Variants in CENPQ observed in about 807,000 individuals in gnomAD.
CENPQ encodes centromere protein Q, also known as chromosome 6 open reading frame 139.
A neutral mutation model predicts 36.6 loss-of-function variants in CENPQ; 27 were observed. The ratio of observed to expected loss-of-function variants is 0.74; its 90% CI spans 0.54 to 1.02. CENPQ has a LOEUF of 1.02. Ranked by LOEUF, CENPQ falls within the 50% of genes least tolerant of loss-of-function variation. CENPQ has a pLI of 0.00. For synonymous variants in CENPQ, 101 were observed against 101.7 expected (o/e 0.99, Z 0.04); for missense variants, 306 against 301.8 (o/e 1.01, Z -0.10).
chr6:49,464,091 A>T (rs561342186), intron 1 of CENPQ, among the ~76,000 whole-genome samples: 1 of 152,182 alleles, frequency 6.6e-6, no homozygotes, highest in East Asian at 1.9e-4. Context: ...AAATATTTCA[A>T]AATGTTATTA....
chr6:49,475,397 T>C (rs1025114470), intron 5 of CENPQ, among the ~76,000 whole-genome samples: 1 of 152,158 alleles, frequency 6.6e-6, no homozygotes, highest in Non-Finnish European at 1.5e-5. Context: ...AAACTCTAAA[T>C]AAATTAGGTA....
intron 4 of CENPQ, among the ~76,000 whole-genome samples, chr6:49,472,397 T>G (rs534672645): frequency 1.3e-5 from 2 of 152,168 alleles, no homozygotes; most frequent in Non-Finnish European, 2.9e-5. Flanking sequence ...TAAAAGCAAG[T>G]GTTTGTGGCC....
chr6:49,467,755 A>C (rs1462836112), intron 1 of CENPQ, among the ~76,000 whole-genome samples: 2 of 152,192 alleles, frequency 1.3e-5, no homozygotes, highest in Non-Finnish European at 2.9e-5. Flanking sequence ...ATAAGTACCA[A>C]ATGAGACAGA....
chr6:49,489,759 A>T (rs1358696524), intron 8 of CENPQ, among the ~76,000 whole-genome samples: 1 of 152,200 alleles, frequency 6.6e-6, no homozygotes, highest in Non-Finnish European at 1.5e-5. Flanking sequence ...AAACAACATT[A>T]ATCTCCTTGT....
chr6:49,478,199 C>T (rs1280903373), intron 5 of CENPQ, among the ~76,000 whole-genome samples: 1 of 152,180 alleles, frequency 6.6e-6, no homozygotes, highest in Non-Finnish European at 1.5e-5. Context: ...ACTCTAAATA[C>T]ATTTTTCTGT....
intron 5 of CENPQ, among the ~76,000 whole-genome samples, chr6:49,474,170 A>G (rs142500829): frequency 6.6e-6 from 1 of 152,348 alleles, no homozygotes; most frequent in East Asian, 1.9e-4. Context: ...AAGCAGACCT[A>G]ATAGACATCT....
chr6:49,472,911 CT>C (rs1410875177), intron 5 of CENPQ, 53 bp downstream of exon 5: 1 of 1,185,848 alleles, frequency 8.4e-7, no homozygotes, highest in Non-Finnish European at 1.1e-6. Flanking sequence ...AAAAACCTGA[CT>C]TCTTTCTATG....
Position 49,472,097 on chromosome 6 carries a change from G to C in CENPQ, c.192G>C (p.Lys64Asn), listed in dbSNP as rs372812477. 56 of 1,612,474 alleles carry C rather than the reference G, an allele frequency of 3.5e-5. No individual in the cohort carries two copies. The African/African-American group carries it at 7.0e-4, about 20-fold the overall frequency. The change falls in exon 4 of 9, where the codon AAG becomes AAC. Residue 64 changes from lysine to asparagine, a missense_variant. Transcript: ENST00000335783. ...QTKHTNLKHGKTAASKRKTWQ... is the reference protein window; with the variant it reads ...QTKHTNLKHGNTAASKRKTWQ... ...AGCACACTAACCTAAAACACGGAAA[G>C]ACAGCAGCCAGCAAGAGAAAAACCT...
chr6:49,472,757 C>T (rs1375095335), intron 4 of CENPQ, 33 bp from the exon 5 acceptor site: 21 of 1,398,924 alleles, frequency 1.5e-5, no homozygotes, highest in Admixed American at 2.7e-5. Context: ...GTGCATCAGA[C>T]TACTATTTAT....
intron 5 of CENPQ, among the ~76,000 whole-genome samples, chr6:49,473,599 G>A (rs1581846507): frequency 1.3e-5 from 2 of 152,274 alleles, no homozygotes; most frequent in South Asian, 4.1e-4. Context: ...ATGCTAGGAA[G>A]AAACTGCATC....
rs1377307347 is a variant in CENPQ, at chr6:49,470,980, AAC to A, written c.113_114del (p.Thr38SerfsTer5). On this transcript the variant is annotated frameshift_variant, in exon 3 of 9. Coordinates refer to ENST00000335783, the MANE Select transcript of CENPQ (RefSeq NM_018132.4). LOFTEE classifies it high-confidence loss of function. ...EVVLSENKVR[N>X]TVKKNKNHLK... ...CATGTGTTTTTCCCTCTAGGTTAGA[AAC>A]ACAGTGAAAAAAAATAAAAATCATC... is the stretch of plus-strand genomic sequence containing the variant. 22 of 1,520,990 alleles carry A rather than the reference AAC, an allele frequency of 1.4e-5. No individual in the cohort carries two copies. Among genetic ancestry groups the A allele is most frequent in the Non-Finnish European group, 1.9e-5 (22 of 1,128,326 alleles). 94.2% of individuals were successfully genotyped at this position (1,520,990 alleles called of 1,614,324 possible).
chr6:49,474,091 C>T (rs1449731930), intron 5 of CENPQ, among the ~76,000 whole-genome samples: 1 of 152,126 alleles, frequency 6.6e-6, no homozygotes, highest in Admixed American at 6.5e-5. Context: ...ACCCCACTGT[C>T]AACACTAGAC....
chr6:49,470,622 C>CAAAAAAA (rs1199878940), intron 2 of CENPQ, among the ~76,000 whole-genome samples: 1 of 66,384 alleles, frequency 1.5e-5, no homozygotes, highest in East Asian at 5.0e-4. Flanking sequence ...GACTCCGTCT[C>CAAAAAAA]AAAAAAAAAA....
chr6:49,492,313 A>C lies in CENPQ; in HGVS notation c.*38A>C. ...TTTTAGATTGTTCCATATTAATTTAATGTTCGTGAATTTGTAAAACTGTTA... is the reference window on the plus strand; with the variant it reads ...TTTTAGATTGTTCCATATTAATTTACTGTTCGTGAATTTGTAAAACTGTTA... On this transcript the variant is annotated 3_prime_UTR_variant, in exon 9 of 9. Transcript: ENST00000335783. 1 of 1,521,452 alleles carries C rather than the reference A, an allele frequency of 6.6e-7. No homozygotes were observed. The highest frequency in any genetic ancestry group is 8.8e-7 in the Non-Finnish European group (1 of 1,130,294). The allele number at this position is 1,521,452 out of a possible 1,614,324, so 94.2% of individuals were successfully genotyped here.
chr6:49,471,034 T>G lies in CENPQ; in HGVS notation c.157+6T>G. Reference sequence around the variant, plus strand: ...GAAAGATCTGTCTTCTGAAGGTATTTCTTTTCTATTACCTTGTTTAACCTG... The same window carrying G: ...GAAAGATCTGTCTTCTGAAGGTATTGCTTTTCTATTACCTTGTTTAACCTG... On this transcript the variant is annotated splice_donor_region_variant and intron_variant, in intron 3 of 8. Transcript: ENST00000335783. The G allele has an allele frequency of 1.3e-6, 2 of 1,486,928 alleles. No homozygotes were observed. The highest frequency in any genetic ancestry group is 1.8e-6 in the Non-Finnish European group (2 of 1,100,770). 92.1% of individuals were successfully genotyped at this position (1,486,928 alleles called of 1,614,324 possible). A position where few individuals can be genotyped will look rare whatever the true frequency, so the allele number is the denominator to read the frequency against.
At chr6:49,477,531 A>G (rs1322446125) in intron 5 of CENPQ, among the ~76,000 whole-genome samples, 2 of 151,704 alleles carry the variant, frequency 1.3e-5, no homozygotes, top group Non-Finnish European at 2.9e-5. Flanking sequence ...AAACCTGCAC[A>G]GTTGTGCACA....
At chr6:49,483,256 C>T (rs184759196) in intron 6 of CENPQ, among the ~76,000 whole-genome samples, 30 of 152,224 alleles carry the variant, frequency 2.0e-4, no homozygotes, top group African/African-American at 6.5e-4. Flanking sequence ...GTTTACAAAC[C>T]TTGAGCTAGA....
rs1768152075 is a variant in CENPQ at position 49,472,139 on chromosome 6, G to A, written c.234G>A (p.Lys78=). The change falls in exon 4 of 9, where the codon AAG becomes AAA. Residue 78 remains lysine (K), a synonymous_variant. Transcript: ENST00000335783. ...GAAAAACCTGGCAACCTCTGTCAAA[G>A]AGTACCAGAGACCATTTGCAAACTA... ...SKRKTWQPLS[K]STRDHLQTMM... is the part of the protein sequence containing the mutation. 6.2e-7 allele frequency: 1 copy of A among 1,612,550 alleles called. No individual in the cohort carries two copies. The highest frequency in any genetic ancestry group is 1.1e-5 in the South Asian group (1 of 90,878).
At chr6:49,487,534 G>A (rs536689157) in intron 6 of CENPQ, among the ~76,000 whole-genome samples, 12 of 146,130 alleles carry the variant, frequency 8.2e-5, no homozygotes, top group Admixed American at 4.9e-4. Flanking sequence ...TCTGCATCCA[G>A]TATTTGGAAA....
Sources: gnomAD v4.1 joint callset for allele counts (sites outside exome capture counted in the v4.1 genomes callset) on GRCh38, gnomAD v4.1.1 for gene constraint, MANE v1.5 for transcripts, NCBI Gene and HGNC (gene_info 2026-07-23, HGNC 2026-07-21) for gene names.